The following EPHB3 variants were observed in gnomAD, a reference collection of about 807,000 sequenced individuals.
EPHB3 encodes the protein EPH receptor B3, also known as ephrin type-B receptor 3.
A neutral mutation model predicts 100.2 loss-of-function variants in EPHB3; 33 were observed. The observed-to-expected ratio is 0.33, with a 90% confidence interval of 0.25 to 0.44. The LOEUF is 0.44. EPHB3 is among the 20% of genes least tolerant of loss of function. The pLI, the probability that EPHB3 is intolerant of heterozygous loss-of-function variation, is 1.00. For missense variants in EPHB3, 1,045 were observed against 1,378.3 expected (o/e 0.76, Z 3.83); for synonymous variants, 526 against 554.7 (o/e 0.95, Z 0.73).
At position 184,562,971 on chromosome 3, in the gene EPHB3, A is replaced by G. The variant is rs1185884891; in HGVS notation, c.118+618A>G. ...AGGCTCCCTCTCCGCCTGCTAGAGC[A>G]GGGCTTGGGTCTCCATTTGAACCCC... On this transcript the variant is annotated intron_variant, in intron 1 of 15. Coordinates refer to ENST00000330394, the MANE Select transcript of EPHB3 (RefSeq NM_004443.4). The surrounding 1 kb of genome is among the most constrained non-coding windows in gnomAD (Gnocchi z 4.8). Among the ~76,000 whole-genome samples the G allele has an allele frequency of 6.6e-6, 1 of 152,218 alleles. No homozygotes were observed. Among genetic ancestry groups the G allele is most frequent in the East Asian group, 1.9e-4 (1 of 5,192 alleles).
At position 184,572,647 on chromosome 3, in the gene EPHB3, C is replaced by T. The variant is rs368781478; in HGVS notation, c.327C>T (p.Leu109=). Reference sequence around the variant, plus strand: ...ATGTGCAGCGGGTCTACGTGGAGCTCAAGTTCACTGTGCGTGACTGCAACA... The same window carrying T: ...ATGTGCAGCGGGTCTACGTGGAGCTTAAGTTCACTGTGCGTGACTGCAACA... ...RRDVQRVYVE[L]KFTVRDCNSI... Residue 109 remains leucine (L), a synonymous_variant, in exon 3 of 16, where the codon CTC becomes CTT. Transcript: ENST00000330394. The surrounding 1 kb of genome is among the most constrained non-coding windows in gnomAD (Gnocchi z 6.6). 34 of 1,570,182 alleles carry T rather than the reference C, an allele frequency of 2.2e-5. No homozygotes were observed. The highest frequency in any genetic ancestry group is 2.8e-5 in the Non-Finnish European group (33 of 1,160,846).
Position 184,577,530 on chromosome 3 carries a change from G to A in EPHB3, c.1479+63G>A. ...AGCTGGGCTGAGAAAATTACCCCCG[G>A]ATCATGATGGGGCCCTTGGGAGCAA... On this transcript the variant is annotated intron_variant, in intron 6 of 15. Coordinates refer to ENST00000330394, the MANE Select transcript of EPHB3 (RefSeq NM_004443.4). This position sits in a 1 kb window ranked among gnomAD's most constrained non-coding sequence, Gnocchi z 4.9. 6.2e-7 allele frequency: 1 copy of A among 1,603,656 alleles called. No homozygotes were observed. Among genetic ancestry groups the A allele is most frequent in the Non-Finnish European group, 8.5e-7 (1 of 1,174,316 alleles).
chr3:184,578,242 C>G lies in EPHB3; in HGVS notation c.1749-172C>G. 2.0e-6 allele frequency: 2 copies of G among 997,256 alleles called. No individual in the cohort carries two copies. Among genetic ancestry groups the G allele is most frequent in the Non-Finnish European group, 3.0e-6 (2 of 676,538 alleles). 61.8% of individuals were successfully genotyped at this position (997,256 alleles called of 1,614,324 possible). ...GGGCAGGTTCCCTAGGGACTGAGTC[C>G]ACTGAACCCCTTGCTCAGACACCCA... On this transcript the variant is annotated intron_variant, in intron 8 of 15. Coordinates refer to ENST00000330394, the MANE Select transcript of EPHB3 (RefSeq NM_004443.4). This position sits in a 1 kb window ranked among gnomAD's most constrained non-coding sequence, Gnocchi z 4.7.
At chr3:184,570,441 T>A (rs1462998360) in intron 1 of EPHB3, among the ~76,000 whole-genome samples, 2 of 152,240 alleles carry the variant, frequency 1.3e-5, no homozygotes, top group African/African-American at 4.8e-5. Flanking sequence ...GTAAAAGGGA[T>A]ACACCAACAG....
chr3:184,576,973 G>A lies in EPHB3; in HGVS notation c.1144G>A (p.Gly382Arg). Residue 382 changes from glycine to arginine, a missense_variant, in exon 5 of 16, where the codon GGG (glycine) becomes AGG (arginine). Gly to Arg is a moderately radical substitution (Grantham distance 125, BLOSUM62 -2). This residue lies in a region of EPHB3 where 985 missense variants were observed against 1,331.1 expected (regional missense o/e 0.74). Coordinates refer to ENST00000330394, the MANE Select transcript of EPHB3 (RefSeq NM_004443.4). ...LYNVICKKCH[G>R]AGGASACSRC... ...CAATGTCATCTGCAAGAAGTGCCAT[G>A]GGGCTGGAGGGGCCTCAGCCTGCTC... The A allele has an allele frequency of 1.2e-6, 2 of 1,613,124 alleles. No homozygotes were observed. The highest frequency in any genetic ancestry group is 1.7e-6 in the Non-Finnish European group (2 of 1,179,350).
chr3:184,582,000 G>GC lies in EPHB3; in HGVS notation c.*384dup. ...AGGGCCCAGCCCTGGCAGGGGTCTG[G>GC]CCCCCCAGGTAGGCGGAGAGCAGTC... On this transcript the variant is annotated 3_prime_UTR_variant, in exon 16 of 16. Transcript: ENST00000330394. 5.5e-6 allele frequency: 1 copy of GC among 182,736 alleles called. No individual in the cohort carries two copies. Among genetic ancestry groups the GC allele is most frequent in the South Asian group, 1.6e-4 (1 of 6,380 alleles). The allele number at this position is 182,736 out of a possible 1,614,324, so 11.3% of individuals were successfully genotyped here. A position where few individuals can be genotyped will look rare whatever the true frequency, so the allele number is the denominator to read the frequency against.
In EPHB3 at chr3:184,576,746, G is replaced by A; in HGVS notation, c.1013-96G>A. On this transcript the variant is annotated intron_variant, in intron 4 of 15. Transcript: ENST00000330394. Reference sequence around the variant, plus strand: ...CTTATCAAAGCAGAGGCAAGGCAAGGAGGTAGAAAGCAGATTGGAGTGTGC... The same window carrying A: ...CTTATCAAAGCAGAGGCAAGGCAAGAAGGTAGAAAGCAGATTGGAGTGTGC... 4 of 1,258,604 alleles carry A rather than the reference G, an allele frequency of 3.2e-6. No homozygotes were observed. The South Asian group carries it at 6.5e-5, about 20-fold the overall frequency. 78.0% of individuals were successfully genotyped at this position (1,258,604 alleles called of 1,614,324 possible). A position where few individuals can be genotyped will look rare whatever the true frequency, so the allele number is the denominator to read the frequency against.
chr3:184,573,317 T>C lies in EPHB3; in HGVS notation c.856+141T>C. ...ACAGTGGAGGCAGGAGAGGGAAGAG[T>C]GGGGATCAGATGCAGAGAATGTTGT... On this transcript the variant is annotated intron_variant, in intron 3 of 15. Transcript: ENST00000330394. The surrounding 1 kb of genome is among the most constrained non-coding windows in gnomAD (Gnocchi z 4.5). 1 of 1,025,376 alleles carries C rather than the reference T, an allele frequency of 9.8e-7. No homozygotes were observed. The highest frequency in any genetic ancestry group is 1.4e-6 in the Non-Finnish European group (1 of 713,586). 63.5% of individuals were successfully genotyped at this position (1,025,376 alleles called of 1,614,324 possible). A position where few individuals can be genotyped will look rare whatever the true frequency, so the allele number is the denominator to read the frequency against.
At position 184,572,851 on chromosome 3, in the gene EPHB3, G is replaced by A. The variant is rs1280534085; in HGVS notation, c.531G>A (p.Lys177=). ...TGGATGCCGGCCGTGTCAACACCAA[G>A]GTGCGCAGCTTTGGGCCACTTTCCA... ...SRLDAGRVNT[K]VRSFGPLSKA... is the part of the protein sequence containing the mutation. The change falls in exon 3 of 16, where the codon AAG becomes AAA. Residue 177 remains lysine (K), a synonymous_variant. Transcript: ENST00000330394. This position sits in a 1 kb window ranked among gnomAD's most constrained non-coding sequence, Gnocchi z 6.6. 1 of 1,563,810 alleles carries A rather than the reference G, an allele frequency of 6.4e-7. No individual in the cohort carries two copies.
intron 1 of EPHB3, among the ~76,000 whole-genome samples, chr3:184,567,948 A>ATGC (rs1436060341): frequency 6.6e-6 from 1 of 152,156 alleles, no homozygotes; most frequent in Non-Finnish European, 1.5e-5. Flanking sequence ...TTTGTACCAT[A>ATGC]TGCATCCGTG....
intron 3 of EPHB3, among the ~76,000 whole-genome samples, chr3:184,574,131 C>G (rs528225119): frequency 6.6e-5 from 10 of 152,132 alleles, no homozygotes; most frequent in African/African-American, 2.2e-4. Flanking sequence ...ATGCTTTGCC[C>G]GTAGAACAGT....
At chr3:184,581,462 A>C in intron 15 of EPHB3, 52 bp from the exon 16 acceptor site, 1 of 1,593,756 alleles carries the variant, frequency 6.3e-7, no homozygotes, top group East Asian at 2.2e-5. Context: ...GGCTGGGCCC[A>C]GAGTTGAGGG....
In EPHB3 at chr3:184,578,368, G is replaced by A; in HGVS notation, c.1749-46G>A. The A allele has an allele frequency of 4.3e-6, 7 of 1,613,306 alleles. No individual in the cohort carries two copies. The highest frequency in any genetic ancestry group is 1.3e-5 in the African/African-American group (1 of 75,022). On this transcript the variant is annotated intron_variant, in intron 8 of 15. Coordinates refer to ENST00000330394, the MANE Select transcript of EPHB3 (RefSeq NM_004443.4). The surrounding 1 kb of genome is among the most constrained non-coding windows in gnomAD (Gnocchi z 4.7). ...CCAAGGGTGCCCTGAACAAAGGGAGGCAGATGACTTGTCTCAGGCCTGCCC... is the reference window on the plus strand; with the variant it reads ...CCAAGGGTGCCCTGAACAAAGGGAGACAGATGACTTGTCTCAGGCCTGCCC...
At position 184,580,889 on chromosome 3, in the gene EPHB3, C is replaced by G. The variant is rs1466772809; in HGVS notation, c.2538+11C>G. 1.9e-6 allele frequency: 3 copies of G among 1,611,818 alleles called. No homozygotes were observed. Among genetic ancestry groups the G allele is most frequent in the Non-Finnish European group, 2.5e-6 (3 of 1,178,290 alleles). ...ATGAGCAACCAGGATGTGAGTGAGG[C>G]TACGCCAGAGTGGTTGGGTAGGTGG... On this transcript the variant is annotated intron_variant, in intron 13 of 15. Coordinates refer to ENST00000330394, the MANE Select transcript of EPHB3 (RefSeq NM_004443.4).
rs567343041 is a variant in EPHB3 at position 184,578,527 on chromosome 3, C to A, written c.1801+61C>A. 3.7e-6 allele frequency: 6 copies of A among 1,604,808 alleles called. No homozygotes were observed. The highest frequency in any genetic ancestry group is 5.1e-6 in the Non-Finnish European group (6 of 1,172,748). ...CAGCCCCCTGCAGGGCTCTCAGACA[C>A]CCTTCTCCCTGCCTGGGACTTCATT... On this transcript the variant is annotated intron_variant, in intron 9 of 15. Transcript: ENST00000330394. The surrounding 1 kb of genome is among the most constrained non-coding windows in gnomAD (Gnocchi z 4.7).
At position 184,578,031 on chromosome 3, in the gene EPHB3, C is replaced by A; in HGVS notation, c.1748+25C>A. On this transcript the variant is annotated intron_variant, in intron 8 of 15. Coordinates refer to ENST00000330394, the MANE Select transcript of EPHB3 (RefSeq NM_004443.4). The surrounding 1 kb of genome is among the most constrained non-coding windows in gnomAD (Gnocchi z 4.7). ...GGTACTCCCAGGCCCACTGTTGCTC[C>A]ATGGGCCGCCTCGAACTGCCCTTTA... is the stretch of plus-strand genomic sequence containing the variant. The A allele has an allele frequency of 6.2e-7, 1 of 1,610,808 alleles. No homozygotes were observed. The highest frequency in any genetic ancestry group is 8.5e-7 in the Non-Finnish European group (1 of 1,177,564).
Position 184,581,774 on chromosome 3 carries a change from T to A in EPHB3, c.*152T>A. 1.4e-6 allele frequency: 1 copy of A among 727,566 alleles called. No individual in the cohort carries two copies. The highest frequency in any genetic ancestry group is 2.2e-6 in the Non-Finnish European group (1 of 455,952). The allele number at this position is 727,566 out of a possible 1,614,324, so 45.1% of individuals were successfully genotyped here. A position where few individuals can be genotyped will look rare whatever the true frequency, so the allele number is the denominator to read the frequency against. On this transcript the variant is annotated 3_prime_UTR_variant, in exon 16 of 16. Coordinates refer to ENST00000330394, the MANE Select transcript of EPHB3 (RefSeq NM_004443.4). The stretch of plus-strand genomic sequence containing the variant: ...GCCCAAGCTGGGACTTCTCCAGGCC[T>A]GTGTTCCCTCCCCAGGAAGTGCGCC...
At position 184,579,731 on chromosome 3, in the gene EPHB3, C is replaced by T. The variant is rs369095387; in HGVS notation, c.1969C>T (p.Arg657Cys). ...CCGTGGTCGACTGAAACAGCCTGGC[C>T]GCCGAGAGGTGTTTGTGGCCATCAA... Reference protein sequence around the residue: ...VCRGRLKQPGRREVFVAIKTL... With the variant: ...VCRGRLKQPGCREVFVAIKTL... Residue 657 changes from arginine (R) to cysteine (C), a missense_variant, in exon 11 of 16, where the codon CGC becomes TGC. Coordinates refer to ENST00000330394, the MANE Select transcript of EPHB3 (RefSeq NM_004443.4). This position sits in a 1 kb window ranked among gnomAD's most constrained non-coding sequence, Gnocchi z 5.2. 9 of 1,612,644 alleles carry T rather than the reference C, an allele frequency of 5.6e-6. No individual in the cohort carries two copies. Among genetic ancestry groups the T allele is most frequent in the African/African-American group, 1.3e-5 (1 of 74,736 alleles).
intron 11 of EPHB3, 108 bp downstream of exon 11, chr3:184,580,042 G>A: frequency 1.3e-6 from 2 of 1,500,010 alleles, no homozygotes; most frequent in Admixed American, 4.3e-5. Flanking sequence ...AGCATTTACT[G>A]AGGTGGCTTG....
Sources: gnomAD v4.1 joint callset for allele counts (sites outside exome capture counted in the v4.1 genomes callset) on GRCh38, gnomAD v4.1.1 for gene constraint, gnomAD v4.1.1 regional missense constraint, Gnocchi (gnomAD v3.1) non-coding constraint, MANE v1.5 for transcripts, NCBI Gene and HGNC (gene_info 2026-07-23, HGNC 2026-07-21) for gene names.